ADK: variants seen among roughly 807,000 people sequenced by gnomAD.
ADK encodes the protein adenosine kinase, also known as N6,N6-dimethyladenosine kinase.
ADK carries 24 observed loss-of-function variants against 44.7 expected under a neutral mutation model. That is an observed-to-expected ratio of 0.54 (90% confidence interval 0.39 to 0.76). The LOEUF (loss-of-function observed/expected upper bound fraction) is 0.76. Among genes scored for constraint, ADK ranks in the 30% least tolerant of loss-of-function variants. ADK has a pLI of 0.00. For synonymous variants in ADK, 128 were observed against 142.6 expected (o/e 0.90, Z 0.73); for missense variants, 321 against 425.1 (o/e 0.76, Z 2.15).
intron 6 of ADK, among the ~76,000 whole-genome samples, chr10:74,442,185 C>T (rs1255499421): frequency 6.6e-6 from 1 of 151,920 alleles, no homozygotes; most frequent in African/African-American, 2.4e-5. Flanking sequence ...CAATGAGATA[C>T]TACCTTAAAT....
intron 4 of ADK, among the ~76,000 whole-genome samples, chr10:74,351,727 A>G (rs1841969714): frequency 6.6e-6 from 1 of 152,226 alleles, no homozygotes; most frequent in African/African-American, 2.4e-5. Context: ...GTCTCAGGAT[A>G]CAAAATCAAT....
intron 4 of ADK, among the ~76,000 whole-genome samples, chr10:74,326,237 T>G (rs1841004084): frequency 2.0e-5 from 3 of 152,202 alleles, no homozygotes. Flanking sequence ...TTTTGTAGAA[T>G]GAGTTTAGAA....
At chr10:74,556,039 A>G (rs1392690043) in intron 7 of ADK, among the ~76,000 whole-genome samples, 1 of 152,242 alleles carries the variant, frequency 6.6e-6, no homozygotes, top group Non-Finnish European at 1.5e-5. Flanking sequence ...ATTTTCTTAA[A>G]TGGGGAAGGC....
intron 6 of ADK, among the ~76,000 whole-genome samples, chr10:74,518,109 A>G (rs916381466): frequency 6.6e-6 from 1 of 152,166 alleles, no homozygotes; most frequent in African/African-American, 2.4e-5. Context: ...AAAGCATGCT[A>G]TATGGTTGTT....
chr10:74,436,525 T>C lies in ADK; in HGVS notation c.555+37946T>C, dbSNP rs1446140463. On this transcript the variant is annotated intron_variant, in intron 6 of 10. Coordinates refer to ENST00000539909, the MANE Select transcript of ADK (RefSeq NM_006721.4). ...TGACTCTTCAGTAGATTATCATAAA[T>C]TAAGATGTATATTGTAACCCTTAGG... Among the ~76,000 whole-genome samples, 5 of 151,238 alleles carry C rather than the reference T, an allele frequency of 3.3e-5. No homozygotes were observed. In the East Asian group the frequency reaches 9.7e-4, roughly 29 times the overall value.
At chr10:74,512,292 G>A (rs1434975356) in intron 6 of ADK, among the ~76,000 whole-genome samples, 2 of 151,518 alleles carry the variant, frequency 1.3e-5, no homozygotes, top group Non-Finnish European at 2.9e-5. Context: ...TTGGTATCAC[G>A]GTTATGTTGG....
rs141970377 is a variant in ADK at position 74,157,480 on chromosome 10, TA to T, written c.65+6147del. Among the ~76,000 whole-genome samples the T allele has an allele frequency of 7.3e-4, 108 of 147,750 alleles. 1 individual carries two copies. Among genetic ancestry groups the T allele is most frequent in the Non-Finnish European group, 1.0e-3 (69 of 66,664 alleles). On this transcript the variant is annotated intron_variant, in intron 1 of 10. Coordinates refer to ENST00000539909, the MANE Select transcript of ADK (RefSeq NM_006721.4). ...AAAGAAAAAATGGAATTATTGAAAT[TA>T]AAAAAAAAATAGGTCAGTTGAACTC...
At chr10:74,258,531 C>A (rs1845912672) in intron 3 of ADK, among the ~76,000 whole-genome samples, 2 of 152,054 alleles carry the variant, frequency 1.3e-5, no homozygotes, top group African/African-American at 2.4e-5. Flanking sequence ...ATACACTAAT[C>A]AATTATACAC....
At chr10:74,441,636 C>T (rs961922066) in intron 6 of ADK, among the ~76,000 whole-genome samples, 3 of 152,032 alleles carry the variant, frequency 2.0e-5, no homozygotes, top group African/African-American at 4.8e-5. Context: ...AGAAAAGCTC[C>T]GTGACACTGG....
At chr10:74,190,166 C>A (rs1842911794) in intron 1 of ADK, among the ~76,000 whole-genome samples, 1 of 152,200 alleles carries the variant, frequency 6.6e-6, no homozygotes, top group Admixed American at 6.5e-5. Flanking sequence ...AAACTATTTT[C>A]CAAAGCGGCT....
Position 74,708,250 on chromosome 10 carries a change from G to T in ADK, c.965-71G>T, listed in dbSNP as rs1304866798. The stretch of plus-strand genomic sequence containing the variant: ...GAGACAGGTGCTTAGATCATATATT[G>T]GTCTGACCCAATATGACATTTCTGC... On this transcript the variant is annotated intron_variant, in intron 10 of 10. Coordinates refer to ENST00000539909, the MANE Select transcript of ADK (RefSeq NM_006721.4). 18 of 1,524,026 alleles carry T rather than the reference G, an allele frequency of 1.2e-5. 1 individual carries two copies. In the South Asian group the frequency reaches 1.7e-4, roughly 14 times the overall value. 94.4% of individuals were successfully genotyped at this position (1,524,026 alleles called of 1,614,324 possible).
intron 4 of ADK, among the ~76,000 whole-genome samples, chr10:74,336,391 T>G (rs1450402629): frequency 6.6e-6 from 1 of 152,224 alleles, no homozygotes; most frequent in East Asian, 1.9e-4. Flanking sequence ...TGTCTCTTCT[T>G]TCTCCAATAT....
chr10:74,595,684 GTTCAAC>G, intron 8 of ADK, among the ~76,000 whole-genome samples: 1 of 256 alleles, frequency 3.9e-3, no homozygotes, highest in Non-Finnish European at 9.3e-3. Context: ...CGCCATATCA[GTTCAAC>G]AGATTAAAAA....
At chr10:74,483,560 C>A (rs1847152711) in intron 6 of ADK, among the ~76,000 whole-genome samples, 1 of 152,212 alleles carries the variant, frequency 6.6e-6, no homozygotes, top group Non-Finnish European at 1.5e-5. Flanking sequence ...CACGGTCAGG[C>A]TGTACATTTT....
In ADK at chr10:74,520,758, C is replaced by T. The variant is rs139070518; in HGVS notation, c.556-4498C>T. Among the ~76,000 whole-genome samples, 499 of 152,094 alleles carry T rather than the reference C, an allele frequency of 3.3e-3. 6 individuals carry two copies. The highest frequency in any genetic ancestry group is 0.018 in the East Asian group (92 of 5,176). ...AGCATTAAGTCTGGCTCCACTAAAACGGTTGTTTGGTTCTATTTTAGTCTG... is the reference window on the plus strand; with the variant it reads ...AGCATTAAGTCTGGCTCCACTAAAATGGTTGTTTGGTTCTATTTTAGTCTG... On this transcript the variant is annotated intron_variant, in intron 6 of 10. Transcript: ENST00000539909.
chr10:74,167,492 G>A (rs1367629018), intron 1 of ADK, among the ~76,000 whole-genome samples: 8 of 152,098 alleles, frequency 5.3e-5, no homozygotes, highest in Non-Finnish European at 7.4e-5. Flanking sequence ...TGGTCTGGAG[G>A]GTCCATCTTA....
At chr10:74,173,587 C>T (rs1383057960) in intron 1 of ADK, among the ~76,000 whole-genome samples, 7 of 151,644 alleles carry the variant, frequency 4.6e-5, no homozygotes, top group South Asian at 2.1e-4. Flanking sequence ...TGTGCCACCG[C>T]GCCCAACTAA....
chr10:74,456,412 C>T (rs1023220332), intron 6 of ADK, among the ~76,000 whole-genome samples: 30 of 152,026 alleles, frequency 2.0e-4, no homozygotes, highest in South Asian at 6.2e-4. Context: ...CGGTGGTTCA[C>T]GCCTGTAATC....
At chr10:74,622,380 T>C (rs1052893249) in intron 9 of ADK, among the ~76,000 whole-genome samples, 4 of 152,182 alleles carry the variant, frequency 2.6e-5, no homozygotes, top group African/African-American at 9.6e-5. Context: ...AGACCTTCTC[T>C]TGTCAAATTT....
Sources: gnomAD v4.1 joint callset for allele counts (sites outside exome capture counted in the v4.1 genomes callset) on GRCh38, gnomAD v4.1.1 for gene constraint, MANE v1.5 for transcripts, NCBI Gene and HGNC (gene_info 2026-07-23, HGNC 2026-07-21) for gene names.